Variants in BCAT1 observed in about 807,000 individuals in gnomAD.
BCAT1 encodes the protein branched chain amino acid transaminase 1.
Under a neutral mutation model 52.4 loss-of-function variants are expected in BCAT1, and 48 were observed. The observed-to-expected ratio is 0.92, with a 90% CI of 0.73 to 1.16. The LOEUF is 1.16. Ranked by LOEUF, BCAT1 falls within the 50% of genes most tolerant of loss-of-function variation. BCAT1 has a pLI of 0.00. For missense variants in BCAT1, 451 were observed against 457.1 expected (o/e 0.99, Z 0.12); for synonymous variants, 167 against 161.3 (o/e 1.04, Z -0.27).
chr12:24,824,671 ATGTACAATTTGTTTAAGAAAATAC>A (rs1940308175), intron 10 of BCAT1, among the ~76,000 whole-genome samples: 1 of 152,194 alleles, frequency 6.6e-6, no homozygotes, highest in Admixed American at 6.5e-5. Flanking sequence ...CTGCTACAGA[ATGTACAATTTGTTTAAGAAAATAC>A]TGTATAATTT....
intron 1 of BCAT1, among the ~76,000 whole-genome samples, chr12:24,918,008 A>G (rs547851665): frequency 1.3e-5 from 2 of 152,352 alleles, no homozygotes; most frequent in South Asian, 2.1e-4. Context: ...GATAAGGTAC[A>G]AGATGGTGCT....
At chr12:24,848,169 T>C (rs533845572) in intron 6 of BCAT1, among the ~76,000 whole-genome samples, 3 of 152,382 alleles carry the variant, frequency 2.0e-5, no homozygotes, top group Admixed American at 2.0e-4. Context: ...CCATGGATCA[T>C]AGTCCACCTG....
chr12:24,932,543 CTA>C (rs556096675), intron 1 of BCAT1, among the ~76,000 whole-genome samples: 36 of 152,180 alleles, frequency 2.4e-4, no homozygotes, highest in Non-Finnish European at 4.6e-4. Flanking sequence ...TGATATGTTA[CTA>C]TATGAGGATA....
intron 5 of BCAT1, among the ~76,000 whole-genome samples, chr12:24,858,553 G>C (rs1941758969): frequency 6.6e-6 from 1 of 152,178 alleles, no homozygotes; most frequent in Admixed American, 6.5e-5. Context: ...AGGGCCTGGG[G>C]ACATGTGGAG....
chr12:24,819,342 A>G (rs970484749), intron 10 of BCAT1, among the ~76,000 whole-genome samples: 9 of 152,210 alleles, frequency 5.9e-5, no homozygotes, highest in African/African-American at 2.2e-4. Flanking sequence ...TTTAGTTTAA[A>G]TTAATATAAA....
chr12:24,884,352 G>T (rs990689502), intron 3 of BCAT1, among the ~76,000 whole-genome samples: 1 of 152,176 alleles, frequency 6.6e-6, no homozygotes, highest in Non-Finnish European at 1.5e-5. Flanking sequence ...AGGGGTTGGG[G>T]AATTGGAAGA....
At chr12:24,899,577 G>A (rs1943039817) in intron 2 of BCAT1, among the ~76,000 whole-genome samples, 1 of 152,110 alleles carries the variant, frequency 6.6e-6, no homozygotes, top group South Asian at 2.1e-4. Context: ...AGGGATATCT[G>A]CAGTCCCATG....
At chr12:24,916,123 C>CA (rs1404269959) in intron 1 of BCAT1, among the ~76,000 whole-genome samples, 1 of 152,208 alleles carries the variant, frequency 6.6e-6, no homozygotes, top group Non-Finnish European at 1.5e-5. Flanking sequence ...CTCACCACTG[C>CA]ACTCCAGAAT....
At chr12:24,892,688 A>G (rs1591846761) in intron 3 of BCAT1, among the ~76,000 whole-genome samples, 1 of 152,268 alleles carries the variant, frequency 6.6e-6, no homozygotes, top group South Asian at 2.1e-4. Context: ...CCCAGTCTCA[A>G]CAAAATATGT....
chr12:24,826,919 T>C (rs111978468), intron 10 of BCAT1, among the ~76,000 whole-genome samples: 4 of 152,326 alleles, frequency 2.6e-5, no homozygotes, highest in African/African-American at 7.2e-5. Flanking sequence ...GATTGCTTTC[T>C]TGATTTCTTT....
rs1312864220 is a variant in BCAT1, at chr12:24,816,558, T to C, written c.*1450A>G. 1 of 363,220 alleles carries C rather than the reference T, an allele frequency of 2.8e-6. No individual in the cohort carries two copies. The highest frequency in any genetic ancestry group is 5.3e-5 in the Admixed American group (1 of 18,706). 22.5% of individuals were successfully genotyped at this position (363,220 alleles called of 1,614,324 possible). A position where few individuals can be genotyped will look rare whatever the true frequency, so the allele number is the denominator to read the frequency against. On this transcript the variant is annotated 3_prime_UTR_variant, in exon 11 of 11. Transcript: ENST00000261192. Reference sequence around the variant, plus strand: ...AAAGAGCACCTGCAAAAACAGAGTATAAAAATCAGAGTATGCCTCTTTGTT... The same window carrying C: ...AAAGAGCACCTGCAAAAACAGAGTACAAAAATCAGAGTATGCCTCTTTGTT...
intron 10 of BCAT1, among the ~76,000 whole-genome samples, chr12:24,824,723 A>C (rs1940311826): frequency 1.3e-5 from 2 of 152,174 alleles, no homozygotes; most frequent in Admixed American, 1.3e-4. Flanking sequence ...AAAATTTTCC[A>C]AAAGGGTCTT....
intron 8 of BCAT1, chr12:24,834,604 C>T (rs1460921750): frequency 2.0e-6 from 2 of 979,412 alleles, no homozygotes; most frequent in African/African-American, 3.5e-5. Flanking sequence ...AAGCTCTTGG[C>T]AATATTCAAA....
At chr12:24,887,080 AATAT>A (rs71063368) in intron 3 of BCAT1, among the ~76,000 whole-genome samples, 46 of 40,724 alleles carry the variant, frequency 1.1e-3, no homozygotes, top group Middle Eastern at 0.037. Context: ...AAAAAAAAAA[AATAT>A]ATATATATAT....
At chr12:24,863,736 G>C (rs1267934907) in intron 5 of BCAT1, among the ~76,000 whole-genome samples, 2 of 152,138 alleles carry the variant, frequency 1.3e-5, no homozygotes, top group Non-Finnish European at 2.9e-5. Context: ...TTTGAGGTGA[G>C]CCTTGGCAAC....
intron 6 of BCAT1, among the ~76,000 whole-genome samples, chr12:24,846,480 A>G (rs144780725): frequency 2.0e-5 from 3 of 152,338 alleles, no homozygotes; most frequent in Admixed American, 2.0e-4. Context: ...AAACATTTCA[A>G]TATGGTTTTA....
At chr12:24,914,502 G>A (rs1048885743) in intron 1 of BCAT1, among the ~76,000 whole-genome samples, 1 of 152,108 alleles carries the variant, frequency 6.6e-6, no homozygotes, top group African/African-American at 2.4e-5. Flanking sequence ...CCAAAGTCAG[G>A]CCTCTATGAA....
At position 24,881,386 on chromosome 12, in the gene BCAT1, C is replaced by G; in HGVS notation, c.305G>C (p.Arg102Pro). Reference protein sequence around the residue: ...VELFEGLKAFRGVDNKIRLFQ... With the variant: ...VELFEGLKAFPGVDNKIRLFQ... Reference sequence around the variant, plus strand: ...CAGTCGAATTTTATTATCTACTCCTCGAAATGCCTTCAATCCTTCAAATAA... The same window carrying G: ...CAGTCGAATTTTATTATCTACTCCTGGAAATGCCTTCAATCCTTCAAATAA... Residue 102 changes from arginine (R) to proline (P), a missense_variant, in exon 4 of 11, where the codon CGA becomes CCA. Physicochemically the swap from Arg to Pro is moderately radical, Grantham distance 103. Transcript: ENST00000261192. 1 of 1,611,942 alleles carries G rather than the reference C, an allele frequency of 6.2e-7. No homozygotes were observed. The highest frequency in any genetic ancestry group is 8.5e-7 in the Non-Finnish European group (1 of 1,178,162).
intron 3 of BCAT1, among the ~76,000 whole-genome samples, chr12:24,886,339 G>C (rs1040716462): frequency 6.6e-6 from 1 of 152,122 alleles, no homozygotes; most frequent in Admixed American, 6.5e-5. Flanking sequence ...GATCACTTGA[G>C]CCCAGGAGGT....
Sources: allele counts gnomAD v4.1 joint callset (sites outside exome capture counted in the v4.1 genomes callset), GRCh38; gene constraint gnomAD v4.1.1; transcripts MANE v1.5; gene names NCBI Gene and HGNC (gene_info 2026-07-23, HGNC 2026-07-21).